The following CD99L2 variants were observed in gnomAD, a reference collection of about 807,000 sequenced individuals.
The protein encoded by CD99L2 is CD99 antigen-like protein 2.
CD99L2 carries 24 observed loss-of-function variants against 27.3 expected under a neutral mutation model. The ratio of observed to expected loss-of-function variants is 0.88; its 90% CI spans 0.64 to 1.24. The LOEUF (loss-of-function observed/expected upper bound fraction) is 1.24. CD99L2 is among the 50% of genes most tolerant of loss of function. The pLI, the probability that CD99L2 is intolerant of heterozygous loss-of-function variation, is 0.00. For synonymous variants in CD99L2, 97 were observed against 87.9 expected, an observed-to-expected ratio of 1.10 and a Z score of -0.58; for missense variants, 255 against 221.6, an observed-to-expected ratio of 1.15 and a Z score of -0.96.
chrX:150,822,554 G>A (rs1232703225), intron 2 of CD99L2, among the ~76,000 whole-genome samples: 1 of 111,851 alleles, frequency 8.9e-6, no homozygotes, highest in Non-Finnish European at 1.9e-5. Flanking sequence ...AACAAGTCTA[G>A]TGATCTAATG....
intron 1 of CD99L2, among the ~76,000 whole-genome samples, chrX:150,868,135 T>C (rs908486343): frequency 1.8e-5 from 2 of 108,418 alleles, no homozygotes; most frequent in Non-Finnish European, 3.8e-5. Flanking sequence ...ATATATTGTA[T>C]GGTGCCCACA....
chrX:150,809,257 C>T (rs1176040058), intron 4 of CD99L2, among the ~76,000 whole-genome samples: 3 of 111,328 alleles, frequency 2.7e-5, no homozygotes, highest in Non-Finnish European at 5.6e-5. Flanking sequence ...CATGGTAACT[C>T]ATTACAAAAG....
At chrX:150,853,522 C>T (rs1429026677) in intron 1 of CD99L2, among the ~76,000 whole-genome samples, 3 of 111,240 alleles carry the variant, frequency 2.7e-5, no homozygotes, top group East Asian at 2.8e-4. Flanking sequence ...GCATAGTGTT[C>T]GATAAGCGTG....
chrX:150,852,160 T>TA (rs1557421623), intron 1 of CD99L2, among the ~76,000 whole-genome samples: 1 of 112,122 alleles, frequency 8.9e-6, no homozygotes, highest in Non-Finnish European at 1.9e-5. Context: ...GTGGTGAACT[T>TA]ACACTAAAAG....
chrX:150,892,224 A>G (rs1186784040), intron 1 of CD99L2, among the ~76,000 whole-genome samples: 1 of 109,433 alleles, frequency 9.1e-6, no homozygotes, highest in Non-Finnish European at 1.9e-5. Context: ...TCCATCTCGA[A>G]GGAAAAAAAT....
intron 1 of CD99L2, among the ~76,000 whole-genome samples, chrX:150,856,850 T>A: frequency 9.2e-6 from 1 of 108,671 alleles, no homozygotes; most frequent in African/African-American, 3.3e-5. Flanking sequence ...ATTCCAAAAA[T>A]CAAAACAAAG....
chrX:150,832,522 C>T (rs782440324), intron 1 of CD99L2, among the ~76,000 whole-genome samples: 1 of 111,085 alleles, frequency 9.0e-6, no homozygotes, highest in Admixed American at 9.6e-5. Context: ...CTATTCATCT[C>T]AATAGATGCA....
At chrX:150,860,504 A>G (rs1375512266) in intron 1 of CD99L2, among the ~76,000 whole-genome samples, 1 of 112,128 alleles carries the variant, frequency 8.9e-6, no homozygotes, top group African/African-American at 3.2e-5. Context: ...AAAGGCATCT[A>G]TATTGGAAAA....
At chrX:150,875,472 A>T (rs1353442761) in intron 1 of CD99L2, among the ~76,000 whole-genome samples, 1 of 111,765 alleles carries the variant, frequency 8.9e-6, no homozygotes, top group Non-Finnish European at 1.9e-5. Flanking sequence ...CCCCATAAGG[A>T]TCCCCTGTAC....
rs1333920249 is a variant in CD99L2 at position 150,824,121 on chromosome X, GA to G, written c.130+7109del. ...GAAGGAAGAAGGAAGAAGGAAGAAG[GA>G]AGGAGGAGGAGGAGGAGGAGAAGAA... On this transcript the variant is annotated intron_variant, in intron 2 of 10. Transcript: ENST00000370377. Among the ~76,000 whole-genome samples the G allele has an allele frequency of 1.4e-3, 66 of 45,726 alleles. 8 individuals carry two copies. The highest frequency in any genetic ancestry group is 0.041 in the Middle Eastern group (2 of 49). The allele number at this position is 45,726 out of a possible 115,157, so 39.7% of individuals were successfully genotyped here. A position where few individuals can be genotyped will look rare whatever the true frequency, so the allele number is the denominator to read the frequency against.
At chrX:150,865,938 T>C (rs2047053657) in intron 1 of CD99L2, among the ~76,000 whole-genome samples, 1 of 111,301 alleles carries the variant, frequency 9.0e-6, no homozygotes, top group African/African-American at 3.3e-5. Flanking sequence ...CTGGCCAACG[T>C]AGTGAAAACC....
chrX:150,824,041 G>GAGAA (rs1557420745), intron 2 of CD99L2, among the ~76,000 whole-genome samples: 1 of 102,517 alleles, frequency 9.8e-6, no homozygotes, highest in Non-Finnish European at 2.0e-5. Context: ...GGAGGAGGAG[G>GAGAA]AGGAAGAAGA....
intron 2 of CD99L2, among the ~76,000 whole-genome samples, chrX:150,821,519 A>G (rs2046242374): frequency 8.9e-6 from 1 of 112,266 alleles, no homozygotes; most frequent in African/African-American, 3.2e-5. Context: ...CAAATGGACC[A>G]AACATCTAAA....
chrX:150,856,757 C>T (rs939287039), intron 1 of CD99L2, among the ~76,000 whole-genome samples: 1 of 109,009 alleles, frequency 9.2e-6, no homozygotes, highest in African/African-American at 3.3e-5. Context: ...CAAAAAGAAA[C>T]CCCAATAAAA....
chrX:150,832,909 G>A (rs2046464897), intron 1 of CD99L2, among the ~76,000 whole-genome samples: 1 of 110,732 alleles, frequency 9.0e-6, no homozygotes, highest in Admixed American at 9.6e-5. Flanking sequence ...CAAAAAATTA[G>A]CTGGGCATGG....
intron 3 of CD99L2, among the ~76,000 whole-genome samples, chrX:150,815,699 C>G (rs1285408902): frequency 8.9e-6 from 1 of 112,257 alleles, no homozygotes; most frequent in East Asian, 2.8e-4. Flanking sequence ...GCTTGATCGG[C>G]TTCATAAAAC....
chrX:150,857,761 A>G lies in CD99L2; in HGVS notation c.68-26468T>C, dbSNP rs1730579729. On this transcript the variant is annotated intron_variant, in intron 1 of 10. Coordinates refer to ENST00000370377, the MANE Select transcript of CD99L2 (RefSeq NM_031462.4). ...AGCCACCAAACCACAATGGCAAACA[A>G]TAAGAGAAGAAAAGGACAAACAACA... Among the ~76,000 whole-genome samples the G allele has an allele frequency of 2.7e-5, 3 of 112,539 alleles. No homozygotes were observed. The Admixed American group carries it at 2.8e-4, about 11-fold the overall frequency.
At chrX:150,774,407 A>G (rs1195717726) in intron 9 of CD99L2, among the ~76,000 whole-genome samples, 2 of 110,745 alleles carry the variant, frequency 1.8e-5, no homozygotes, top group African/African-American at 6.6e-5. Context: ...CAGGGAGGGG[A>G]GACGAGTATG....
chrX:150,874,549 TCCACC>T (rs2047201318), intron 1 of CD99L2, among the ~76,000 whole-genome samples: 1 of 77,146 alleles, frequency 1.3e-5, no homozygotes, highest in African/African-American at 5.3e-5. Flanking sequence ...GATGGCACCA[TCCACC>T]AAATGGGGGG....
Sources: allele counts gnomAD v4.1 joint callset (sites outside exome capture counted in the v4.1 genomes callset), GRCh38; gene constraint gnomAD v4.1.1; transcripts MANE v1.5; gene names NCBI Gene and HGNC (gene_info 2026-07-23, HGNC 2026-07-21).